CSMD2: variants seen among roughly 807,000 people sequenced by gnomAD.
The protein encoded by CSMD2 is CUB and sushi domain-containing protein 2.
Under a neutral mutation model 398.5 loss-of-function variants are expected in CSMD2, and 130 were observed. The ratio of observed to expected loss-of-function variants is 0.33; its 90% confidence interval spans 0.28 to 0.38. The LOEUF (loss-of-function observed/expected upper bound fraction) is 0.38, where lower values mean the gene tolerates loss of function less well. CSMD2 is among the 10% of genes least tolerant of loss of function. CSMD2 has a pLI of 1.00. For synonymous variants in CSMD2, 1,828 were observed against 1,908.5 expected (o/e 0.96, Z 1.10); for missense variants, 3,829 against 4,764.9 (o/e 0.80, Z 5.78).
At chr1:33,762,934 G>A (rs1235314710) in intron 13 of CSMD2, among the ~76,000 whole-genome samples, 2 of 152,122 alleles carry the variant, frequency 1.3e-5, no homozygotes, top group African/African-American at 2.4e-5. Flanking sequence ...AAGTTGTAAT[G>A]TGGGAGTACT....
intron 10 of CSMD2, among the ~76,000 whole-genome samples, chr1:33,795,206 G>A (rs1415779867): frequency 6.6e-6 from 1 of 151,998 alleles, no homozygotes; most frequent in Admixed American, 6.5e-5. Context: ...GTGAGGCGGG[G>A]TGTGAGCCTG....
intron 6 of CSMD2, among the ~76,000 whole-genome samples, chr1:33,841,837 T>C (rs1268898547): frequency 6.6e-6 from 1 of 152,198 alleles, no homozygotes; most frequent in Admixed American, 6.5e-5. Flanking sequence ...CTGGAGGACC[T>C]GTTAGTCTCC....
chr1:33,624,496 C>T lies in CSMD2; in HGVS notation c.5625+23G>A. 1 of 1,610,816 alleles carries T rather than the reference C, an allele frequency of 6.2e-7. No homozygotes were observed. Among genetic ancestry groups the T allele is most frequent in the East Asian group, 2.2e-5 (1 of 44,784 alleles). The stretch of plus-strand genomic sequence containing the variant: ...TGGGAGCAGACGGCCACCTGCCCGA[C>T]CGAGGCGCCCCCTTGCCCCTACCTG... On this transcript the variant is annotated intron_variant, in intron 35 of 70. Transcript: ENST00000373381. This position sits in a 1 kb window ranked among gnomAD's most constrained non-coding sequence, Gnocchi z 4.7.
intron 22 of CSMD2, among the ~76,000 whole-genome samples, chr1:33,706,900 T>C (rs1645805238): frequency 6.6e-6 from 1 of 152,110 alleles, no homozygotes; most frequent in South Asian, 2.1e-4. Flanking sequence ...CGTGTGTGTG[T>C]GCACGTATGT....
At chr1:33,799,520 T>A (rs1174235874) in intron 10 of CSMD2, among the ~76,000 whole-genome samples, 1 of 152,238 alleles carries the variant, frequency 6.6e-6, no homozygotes, top group African/African-American at 2.4e-5. Flanking sequence ...TTCCTCCATT[T>A]ATTTCTCCCT....
chr1:33,718,525 A>G (rs966483410), intron 19 of CSMD2, among the ~76,000 whole-genome samples: 6 of 152,190 alleles, frequency 3.9e-5, no homozygotes, highest in African/African-American at 1.4e-4. Context: ...ACAGGAACTC[A>G]TGTTAGACTA....
intron 5 of CSMD2, among the ~76,000 whole-genome samples, chr1:33,873,273 T>C (rs1186028745): frequency 1.3e-5 from 2 of 152,192 alleles, no homozygotes; most frequent in African/African-American, 4.8e-5. Flanking sequence ...ACATGTATTC[T>C]GCATGTGGAA....
chr1:34,062,603 G>T (rs1263979792), intron 2 of CSMD2, among the ~76,000 whole-genome samples: 1 of 152,184 alleles, frequency 6.6e-6, no homozygotes, highest in Non-Finnish European at 1.5e-5. Flanking sequence ...CCAAGGTGAG[G>T]GTCCATCCCG....
At position 33,550,347 on chromosome 1, in the gene CSMD2, A is replaced by C. The variant is rs780977239; in HGVS notation, c.8747T>G (p.Val2916Gly). The C allele has an allele frequency of 6.2e-7, 1 of 1,613,092 alleles. No homozygotes were observed. The highest frequency in any genetic ancestry group is 1.7e-5 in the Admixed American group (1 of 60,004). The change falls in exon 56 of 71, where the codon GTG becomes GGG. Residue 2916 changes from valine to glycine, a missense_variant. Transcript: ENST00000373381. ...CGGGGAGCCCGGATGGCCACAGGACACCACTGTGGGGGAAAAGCAAACATC... is the reference window on the plus strand; with the variant it reads ...CGGGGAGCCCGGATGGCCACAGGACCCCACTGTGGGGGAAAAGCAAACATC... ...WDRPRPQCLL[V>G]SCGHPGSPPH...
intron 2 of CSMD2, among the ~76,000 whole-genome samples, chr1:34,052,132 C>G (rs1016581726): frequency 2.6e-5 from 4 of 151,026 alleles, no homozygotes; most frequent in Non-Finnish European, 5.9e-5. Context: ...GTCTTCACAA[C>G]CATGTGAGCC....
chr1:33,888,380 G>T (rs1641740754), intron 5 of CSMD2, among the ~76,000 whole-genome samples: 1 of 152,024 alleles, frequency 6.6e-6, no homozygotes, highest in Non-Finnish European at 1.5e-5. Context: ...CAAAGCTATG[G>T]CAAAATTCAA....
intron 25 of CSMD2, among the ~76,000 whole-genome samples, chr1:33,685,029 G>C (rs1241781114): frequency 6.6e-6 from 1 of 152,204 alleles, no homozygotes; most frequent in African/African-American, 2.4e-5. Context: ...GGCAAGTTCT[G>C]ACTAATGAGA....
chr1:33,709,708 C>T lies in CSMD2; in HGVS notation c.3407-450G>A, dbSNP rs560474766. Among the ~76,000 whole-genome samples the T allele has an allele frequency of 5.1e-4, 77 of 152,322 alleles. 1 individual carries two copies. The highest frequency in any genetic ancestry group is 3.4e-3 in the Middle Eastern group (1 of 294). The stretch of plus-strand genomic sequence containing the variant: ...TAGAAACTAAGAGGGGGCAAGATCA[C>T]ATCATAATCGCTAACCCTTATGTGC... On this transcript the variant is annotated intron_variant, in intron 21 of 70. Transcript: ENST00000373381.
In CSMD2 at chr1:34,122,560, T is replaced by C. The variant is rs150693880; in HGVS notation, c.188-33367A>G. On this transcript the variant is annotated intron_variant, in intron 1 of 70. Coordinates refer to ENST00000373381, the MANE Select transcript of CSMD2 (RefSeq NM_001281956.2). ...TGCTAATTTATCTCCCTCAGTGTTT[T>C]AATTTTCATAGAACCTCCTCCCACC... Among the ~76,000 whole-genome samples the C allele has an allele frequency of 1.8e-3, 275 of 152,292 alleles. 1 individual carries two copies. The highest frequency in any genetic ancestry group is 6.2e-3 in the African/African-American group (258 of 41,556).
chr1:33,815,354 T>G (rs958802025), intron 9 of CSMD2: 7 of 152,220 alleles, frequency 4.6e-5, no homozygotes, highest in Admixed American at 4.6e-4. Context: ...CCGAATTTCT[T>G]CTTAGCTTTC....
intron 1 of CSMD2, among the ~76,000 whole-genome samples, chr1:34,104,571 C>T (rs1558394507): frequency 6.6e-6 from 1 of 152,110 alleles, no homozygotes; most frequent in Non-Finnish European, 1.5e-5. Flanking sequence ...TTGTTGAAGC[C>T]ACGCAATTAA....
intron 1 of CSMD2, among the ~76,000 whole-genome samples, chr1:34,137,892 A>G (rs555034901): frequency 1.6e-4 from 25 of 152,362 alleles, no homozygotes; most frequent in Admixed American, 3.3e-4. Flanking sequence ...AAAATCACAC[A>G]GCTGCTGAGA....
chr1:33,931,096 G>A (rs1464322065), intron 4 of CSMD2, among the ~76,000 whole-genome samples: 17 of 152,282 alleles, frequency 1.1e-4, no homozygotes, highest in Admixed American at 8.5e-4. Flanking sequence ...TTTCCCTTTC[G>A]GGCTTGTATG....
intron 62 of CSMD2, among the ~76,000 whole-genome samples, chr1:33,534,833 C>T (rs1441743017): frequency 6.6e-6 from 1 of 152,114 alleles, no homozygotes; most frequent in Non-Finnish European, 1.5e-5. Flanking sequence ...TCCCTTCGAC[C>T]CCACAATCCA....
Sources: allele counts gnomAD v4.1 joint callset (sites outside exome capture counted in the v4.1 genomes callset), GRCh38; gene constraint gnomAD v4.1.1; non-coding constraint Gnocchi (gnomAD v3.1); transcripts MANE v1.5; gene names NCBI Gene and HGNC (gene_info 2026-07-23, HGNC 2026-07-21).